LRBA: variants seen among roughly 807,000 people sequenced by gnomAD.
The protein encoded by LRBA is LPS responsive beige-like anchor protein.
In LRBA, 176 loss-of-function variants were observed where a neutral mutation model predicts 330.0. The observed-to-expected ratio is 0.53, with a 90% CI of 0.47 to 0.60. The LOEUF (loss-of-function observed/expected upper bound fraction) is 0.60. Among genes scored for constraint, LRBA ranks in the 20% least tolerant of loss-of-function variants. LRBA has a pLI of 0.00. For missense variants in LRBA, 3,259 were observed against 3,444.8 expected (o/e 0.95, Z 1.35); for synonymous variants, 1,230 against 1,193.0 (o/e 1.03, Z -0.64).
chr4:150,741,095 G>A (rs1387658185), intron 35 of LRBA, among the ~76,000 whole-genome samples: 1 of 152,078 alleles, frequency 6.6e-6, no homozygotes. Context: ...GCATCTTCCT[G>A]ACTGGGTCGA....
At chr4:150,502,572 G>C (rs1047390697) in intron 40 of LRBA, among the ~76,000 whole-genome samples, 6 of 152,026 alleles carry the variant, frequency 3.9e-5, no homozygotes, top group Non-Finnish European at 8.8e-5. Flanking sequence ...AGACATCAAG[G>C]GGAGCCAAGA....
intron 38 of LRBA, among the ~76,000 whole-genome samples, chr4:150,595,299 T>C (rs1272877543): frequency 6.6e-6 from 1 of 151,882 alleles, no homozygotes. Context: ...AATCATGGGC[T>C]AACCAAAATT....
chr4:150,991,850 T>C (rs1742124005), intron 2 of LRBA, among the ~76,000 whole-genome samples: 1 of 152,204 alleles, frequency 6.6e-6, no homozygotes, highest in Non-Finnish European at 1.5e-5. Flanking sequence ...ATGTAATCTC[T>C]GCCTTCAAGC....
intron 7 of LRBA, 92 bp from the exon 8 acceptor site, chr4:150,915,819 T>G: frequency 1.1e-6 from 1 of 904,160 alleles, no homozygotes; most frequent in Non-Finnish European, 1.5e-6. Context: ...TGATAAGTTG[T>G]AATTCAACCT....
At chr4:150,308,011 T>C (rs1730580386) in intron 52 of LRBA, among the ~76,000 whole-genome samples, 1 of 152,230 alleles carries the variant, frequency 6.6e-6, no homozygotes. Flanking sequence ...TTAATTGTTC[T>C]ATAAACTATA....
intron 37 of LRBA, among the ~76,000 whole-genome samples, chr4:150,613,815 T>C (rs1428505072): frequency 6.6e-6 from 1 of 152,220 alleles, no homozygotes; most frequent in Non-Finnish European, 1.5e-5. Context: ...GATGAATTGA[T>C]TCTTGGGTCT....
chr4:150,989,800 T>C (rs1333510244), intron 2 of LRBA, among the ~76,000 whole-genome samples: 3 of 151,876 alleles, frequency 2.0e-5, no homozygotes. Context: ...AAAAAACCTT[T>C]TTGGCACTAA....
At chr4:150,457,282 T>G (rs1436063835) in intron 44 of LRBA, among the ~76,000 whole-genome samples, 1 of 152,076 alleles carries the variant, frequency 6.6e-6, no homozygotes, top group Admixed American at 6.6e-5. Context: ...CTTATTAGTC[T>G]TGTATAAATG....
intron 37 of LRBA, among the ~76,000 whole-genome samples, chr4:150,659,741 CG>C (rs1780767669): frequency 1.2e-4 from 1 of 8,344 alleles, no homozygotes. Context: ...TCAGCCCCCA[CG>C]CCCGGCCAGC....
rs1484804580 is a variant in LRBA at position 150,658,599 on chromosome 4, C to G, written c.5921+24952G>C. Among the ~76,000 whole-genome samples the G allele has an allele frequency of 4.9e-4, 2 of 4,066 alleles. 1 individual carries two copies. Among genetic ancestry groups the G allele is most frequent in the African/African-American group, 2.7e-3 (2 of 748 alleles). 2.7% of individuals were successfully genotyped at this position (4,066 alleles called of 152,430 possible). ...TCCCTCTCCCTCTCCCTCTCCCTCT[C>G]CCTCTCCCTCTCCCTCTCCCTCTCC... On this transcript the variant is annotated intron_variant, in intron 37 of 56. Coordinates refer to ENST00000651943, the MANE Select transcript of LRBA (RefSeq NM_001364905.1).
intron 4 of LRBA, among the ~76,000 whole-genome samples, chr4:150,926,581 C>T (rs1733906878): frequency 6.6e-6 from 1 of 152,114 alleles, no homozygotes. Context: ...TGTCTAAATT[C>T]AGTAGCCATA....
At chr4:150,649,580 C>T (rs1008511619) in intron 37 of LRBA, among the ~76,000 whole-genome samples, 5 of 152,176 alleles carry the variant, frequency 3.3e-5, no homozygotes, top group Non-Finnish European at 7.4e-5. Context: ...CCTTCCTAAA[C>T]TTCCAAAGTA....
intron 37 of LRBA, among the ~76,000 whole-genome samples, chr4:150,664,440 T>C (rs1186857818): frequency 1.3e-5 from 2 of 152,184 alleles, no homozygotes; most frequent in African/African-American, 4.8e-5. Flanking sequence ...TAAAGCATAA[T>C]AGCCTGTCAC....
chr4:150,390,433 T>A (rs1156629754), intron 47 of LRBA, among the ~76,000 whole-genome samples: 1 of 152,186 alleles, frequency 6.6e-6, no homozygotes, highest in Non-Finnish European at 1.5e-5. Context: ...TATGCTCTGA[T>A]AACTGCCAGA....
chr4:150,318,189 A>C (rs181495029), intron 50 of LRBA, among the ~76,000 whole-genome samples: 12 of 152,294 alleles, frequency 7.9e-5, no homozygotes, highest in Admixed American at 7.2e-4. Context: ...ACCTGGATTC[A>C]GCACTGTTCT....
chr4:150,267,612 A>AAAAC (rs1175517776), intron 56 of LRBA, among the ~76,000 whole-genome samples: 1 of 152,224 alleles, frequency 6.6e-6, no homozygotes, highest in Non-Finnish European at 1.5e-5. Flanking sequence ...AAGGAACTAG[A>AAAAC]AAACAGACAA....
intron 34 of LRBA, among the ~76,000 whole-genome samples, chr4:150,785,010 G>T (rs1312476477): frequency 3.3e-5 from 5 of 152,174 alleles, no homozygotes; most frequent in Non-Finnish European, 7.3e-5. Flanking sequence ...CAGGGAAATT[G>T]CAATAGAGAA....
intron 42 of LRBA, among the ~76,000 whole-genome samples, chr4:150,475,250 T>G (rs1216933418): frequency 1.3e-5 from 2 of 152,206 alleles, no homozygotes; most frequent in East Asian, 3.8e-4. Context: ...TTAGTTTTCC[T>G]GTAATGTCTT....
intron 32 of LRBA, 51 bp from the exon 33 acceptor site, chr4:150,806,455 T>A: frequency 7.8e-7 from 1 of 1,287,856 alleles, no homozygotes; most frequent in Non-Finnish European, 1.0e-6. Flanking sequence ...TTGTATCAAT[T>A]TTCTAGTTTT....
Sources: allele counts gnomAD v4.1 joint callset (sites outside exome capture counted in the v4.1 genomes callset), GRCh38; gene constraint gnomAD v4.1.1; transcripts MANE v1.5; gene names NCBI Gene and HGNC (gene_info 2026-07-23, HGNC 2026-07-21).